BMPR1B: variants seen among roughly 807,000 people sequenced by gnomAD.
BMPR1B encodes bone morphogenetic protein receptor type-1B.
In BMPR1B, 12 loss-of-function variants were observed where a neutral mutation model predicts 59.1. That is an observed-to-expected ratio of 0.20 (90% CI 0.13 to 0.33). The LOEUF (loss-of-function observed/expected upper bound fraction) is 0.33, where lower values mean the gene tolerates loss of function less well. BMPR1B is among the 10% of genes least tolerant of loss of function. The probability of loss-of-function intolerance (pLI) is 1.00; values close to 1 mark genes in which losing one functional copy is unlikely to be tolerated. For synonymous variants in BMPR1B, 237 were observed against 207.3 expected, an observed-to-expected ratio of 1.14 and a Z score of -1.23; for missense variants, 550 against 610.9, an observed-to-expected ratio of 0.90 and a Z score of 1.05.
At chr4:95,151,708 G>A (rs981507852) in intron 11 of BMPR1B, among the ~76,000 whole-genome samples, 4 of 152,100 alleles carry the variant, frequency 2.6e-5, no homozygotes, top group Admixed American at 6.5e-5. Flanking sequence ...TGAATTTAAC[G>A]ATGTGATATA....
At chr4:95,135,525 T>C (rs1340241989) in intron 10 of BMPR1B, among the ~76,000 whole-genome samples, 1 of 152,246 alleles carries the variant, frequency 6.6e-6, no homozygotes, top group African/African-American at 2.4e-5. Context: ...GTTTGTGTCC[T>C]CTTTTATTTC....
chr4:94,830,802 C>T (rs564632802), intron 1 of BMPR1B, among the ~76,000 whole-genome samples: 43 of 152,242 alleles, frequency 2.8e-4, no homozygotes, highest in African/African-American at 4.3e-4. Context: ...GCCATCGTAA[C>T]GCCATAGCAC....
intron 2 of BMPR1B, among the ~76,000 whole-genome samples, chr4:94,941,527 A>G (rs1046152911): frequency 5.4e-4 from 82 of 152,290 alleles, no homozygotes; most frequent in African/African-American, 1.9e-3. Flanking sequence ...TATTTTCTTT[A>G]TAGATTTTTA....
chr4:94,938,408 T>G (rs766790180), intron 2 of BMPR1B, among the ~76,000 whole-genome samples: 19 of 151,834 alleles, frequency 1.3e-4, no homozygotes, highest in South Asian at 2.1e-4. Flanking sequence ...GGCAGGAGAA[T>G]CACTTGAGCC....
At chr4:95,014,401 C>T (rs115882933) in intron 3 of BMPR1B, among the ~76,000 whole-genome samples, 6,339 of 152,152 alleles carry the variant, frequency 0.042, 184 homozygotes, top group Non-Finnish European at 0.061. Flanking sequence ...TAGGGTTTAA[C>T]TACCATTATT....
chr4:94,933,342 A>G (rs1050704791), intron 2 of BMPR1B, among the ~76,000 whole-genome samples: 17 of 152,044 alleles, frequency 1.1e-4, no homozygotes, highest in African/African-American at 3.1e-4. Flanking sequence ...AGTTTTTACT[A>G]TTATACATAA....
intron 2 of BMPR1B, among the ~76,000 whole-genome samples, chr4:94,974,740 T>C (rs560385555): frequency 9.2e-5 from 14 of 152,330 alleles, no homozygotes; most frequent in Admixed American, 8.5e-4. Flanking sequence ...AGTTTGTACC[T>C]TTGTATGTCC....
chr4:94,909,000 G>T (rs1252787165), intron 2 of BMPR1B, among the ~76,000 whole-genome samples: 1 of 152,004 alleles, frequency 6.6e-6, no homozygotes, highest in African/African-American at 2.4e-5. Flanking sequence ...CTCTAAAAGT[G>T]CTAGGAAAGA....
chr4:94,848,045 A>G (rs1471662674), intron 1 of BMPR1B, among the ~76,000 whole-genome samples: 1 of 152,184 alleles, frequency 6.6e-6, no homozygotes, highest in Non-Finnish European at 1.5e-5. Context: ...CCATAAATGT[A>G]TACACCTAAT....
intron 3 of BMPR1B, among the ~76,000 whole-genome samples, chr4:95,055,666 A>G (rs193113981): frequency 6.6e-6 from 1 of 152,318 alleles, no homozygotes; most frequent in Non-Finnish European, 1.5e-5. Flanking sequence ...ATAGTTTTCA[A>G]CTTAAGTTCT....
chr4:94,829,227 A>G (rs1425268058), intron 1 of BMPR1B, among the ~76,000 whole-genome samples: 2 of 152,032 alleles, frequency 1.3e-5, no homozygotes, highest in African/African-American at 4.8e-5. Flanking sequence ...GCGTGCTTTT[A>G]TCCTTTTCTT....
At chr4:94,942,686 A>G (rs975782896) in intron 2 of BMPR1B, among the ~76,000 whole-genome samples, 1 of 152,224 alleles carries the variant, frequency 6.6e-6, no homozygotes, top group Non-Finnish European at 1.5e-5. Flanking sequence ...AAATTTAACT[A>G]TTGCTGTCAC....
At chr4:94,789,549 A>G (rs1424524742) in intron 1 of BMPR1B, among the ~76,000 whole-genome samples, 1 of 99,886 alleles carries the variant, frequency 1.0e-5, no homozygotes, top group Non-Finnish European at 2.2e-5. Context: ...TGAATAAAAA[A>G]ATCACTTGAA....
intron 1 of BMPR1B, among the ~76,000 whole-genome samples, chr4:94,819,214 G>T (rs1447714311): frequency 1.3e-5 from 2 of 151,848 alleles, no homozygotes; most frequent in Non-Finnish European, 2.9e-5. Flanking sequence ...AACTTTCTCA[G>T]TCCTCTCAGA....
intron 1 of BMPR1B, among the ~76,000 whole-genome samples, chr4:94,765,197 T>C (rs1483359171): frequency 6.6e-6 from 1 of 152,214 alleles, no homozygotes; most frequent in African/African-American, 2.4e-5. Context: ...TAAAGTGCTT[T>C]ATACTATTAC....
intron 1 of BMPR1B, among the ~76,000 whole-genome samples, chr4:94,806,663 C>T (rs1157692629): frequency 6.6e-6 from 1 of 152,174 alleles, no homozygotes; most frequent in African/African-American, 2.4e-5. Flanking sequence ...ATTCTGCTCT[C>T]AGTGCTTTAA....
intron 6 of BMPR1B, among the ~76,000 whole-genome samples, chr4:95,116,421 GCACACACACACACA>G (rs35436544): frequency 1.5e-4 from 18 of 123,198 alleles, no homozygotes; most frequent in South Asian, 2.7e-4. Context: ...TTCAGCGCGC[GCACACACACACACA>G]CACACACACA....
At chr4:95,002,861 TATTTA>T (rs1367075187) in intron 3 of BMPR1B, among the ~76,000 whole-genome samples, 1 of 152,204 alleles carries the variant, frequency 6.6e-6, no homozygotes, top group Non-Finnish European at 1.5e-5. Flanking sequence ...AGGAAAGTGA[TATTTA>T]ATTTACTTAT....
intron 1 of BMPR1B, among the ~76,000 whole-genome samples, chr4:94,864,498 G>A (rs1208366179): frequency 6.6e-6 from 1 of 152,136 alleles, no homozygotes; most frequent in Non-Finnish European, 1.5e-5. Context: ...CCATATGAAG[G>A]AAATGTTTGT....
Sources: allele counts gnomAD v4.1 joint callset (sites outside exome capture counted in the v4.1 genomes callset), GRCh38; gene constraint gnomAD v4.1.1; transcripts MANE v1.5; gene names NCBI Gene and HGNC (gene_info 2026-07-23, HGNC 2026-07-21).